The following COL12A1 variants were observed in gnomAD, a reference collection of about 807,000 sequenced individuals.
COL12A1 encodes the protein collagen alpha-1(XII) chain.
In COL12A1, 114 loss-of-function variants were observed where a neutral mutation model predicts 349.7. The ratio of observed to expected loss-of-function variants is 0.33; its 90% CI spans 0.28 to 0.38. The LOEUF (loss-of-function observed/expected upper bound fraction) is 0.38. COL12A1 is among the 10% of genes least tolerant of loss of function. The pLI, the probability that COL12A1 is intolerant of heterozygous loss-of-function variation, is 1.00. For missense variants in COL12A1, 3,284 were observed against 3,756.9 expected (o/e 0.87, Z 3.29); for synonymous variants, 1,369 against 1,329.0 (o/e 1.03, Z -0.66).
chr6:75,152,411 C>T lies in COL12A1; in HGVS notation c.3637G>A (p.Ala1213Thr). 6.2e-7 allele frequency: 1 copy of T among 1,613,658 alleles called. No homozygotes were observed. The highest frequency in any genetic ancestry group is 8.5e-7 in the Non-Finnish European group (1 of 1,179,738). Residue 1213 changes from alanine (A) to threonine (T), a missense_variant, in exon 18 of 66, where the codon GCA becomes ACA. By Grantham distance (58) the Ala-to-Thr change is moderately conservative. Around this residue, in one of 2 missense-constraint regions of COL12A1, gnomAD observed 2,601 missense variants for 2,824.8 expected, o/e 0.92. Transcript: ENST00000322507. The stretch of plus-strand genomic sequence containing the variant: ...AAACTCCTCACGGTTCTAAAATTTG[C>T]CCGGCCGATGCTCCATGATCCATCC... ...LVDGSWSIGR[A>T]NFRTVRSFIS...
intron 47 of COL12A1, 58 bp downstream of exon 47, chr6:75,117,324 C>G: frequency 1.3e-6 from 2 of 1,554,354 alleles, no homozygotes; most frequent in Non-Finnish European, 1.8e-6. Flanking sequence ...GAATTGTCTA[C>G]TAAGTAATTG....
At chr6:75,109,681 T>G (rs1768734388) in intron 51 of COL12A1, among the ~76,000 whole-genome samples, 1 of 152,118 alleles carries the variant, frequency 6.6e-6, no homozygotes, top group Admixed American at 6.6e-5. Context: ...TCTATAGGGA[T>G]TCAACTCTGG....
At chr6:75,154,603 T>C (rs1767662604) in intron 16 of COL12A1, 66 bp from the exon 17 acceptor site, 1 of 1,491,854 alleles carries the variant, frequency 6.7e-7, no homozygotes, top group Admixed American at 2.2e-5. Context: ...ACTTTTTTTT[T>C]GCTTTGTTAA....
Position 75,183,655 on chromosome 6 carries a change from G to C in COL12A1, c.1289-3C>G. 1 of 1,585,856 alleles carries C rather than the reference G, an allele frequency of 6.3e-7. No individual in the cohort carries two copies. Among genetic ancestry groups the C allele is most frequent in the Non-Finnish European group, 8.5e-7 (1 of 1,171,580 alleles). ...TATATCCACACCACGTGAGCATTCT[G>C]TAAAGAGAAAAAAAGTACATTAAAC... On this transcript the variant is annotated splice_polypyrimidine_tract_variant and splice_region_variant and intron_variant, in intron 9 of 65. Transcript: ENST00000322507.
Position 75,099,527 on chromosome 6 carries a change from A to G in COL12A1, c.8523+2073T>C, listed in dbSNP as rs1172475629. On this transcript the variant is annotated intron_variant, in intron 58 of 65. Coordinates refer to ENST00000322507, the MANE Select transcript of COL12A1 (RefSeq NM_004370.6). ...ACTTTCTGATCAACCATTTCCTTTT[A>G]GAGGAAATATATTCGTAAATTGGAG... Among the ~76,000 whole-genome samples, 3 of 152,230 alleles carry G rather than the reference A, an allele frequency of 2.0e-5. No homozygotes were observed. The East Asian group carries it at 5.8e-4, about 29-fold the overall frequency.
intron 58 of COL12A1, among the ~76,000 whole-genome samples, chr6:75,099,452 C>T (rs1053333419): frequency 9.9e-5 from 15 of 152,092 alleles, no homozygotes; most frequent in Non-Finnish European, 1.3e-4. Flanking sequence ...CATTTTTTAT[C>T]GTAAATATTG....
At chr6:75,134,340 C>T in intron 32 of COL12A1, among the ~76,000 whole-genome samples, 1 of 152,066 alleles carries the variant, frequency 6.6e-6, no homozygotes, top group South Asian at 2.1e-4. Flanking sequence ...GAGCCCAAGG[C>T]AGGTGGATCA....
Position 75,115,873 on chromosome 6 carries a change from A to C in COL12A1, c.7608T>G (p.Ser2536=), listed in dbSNP as rs778124838. Residue 2536 remains serine (S), a synonymous_variant, in exon 49 of 66, where the codon TCT becomes TCG. Transcript: ENST00000322507. ...AYNLTEKNFA[S]VQGVSLESGS... is the part of the protein sequence containing the mutation. Reference sequence around the variant, plus strand: ...CTGACTCCAAAGATACTCCTTGTACAGAAGCAAAATTCTTTTCTGTCAGGT... The same window carrying C: ...CTGACTCCAAAGATACTCCTTGTACCGAAGCAAAATTCTTTTCTGTCAGGT... 8 of 1,613,640 alleles carry C rather than the reference A, an allele frequency of 5.0e-6. No individual in the cohort carries two copies. The highest frequency in any genetic ancestry group is 6.8e-6 in the Non-Finnish European group (8 of 1,179,678).
intron 49 of COL12A1, among the ~76,000 whole-genome samples, chr6:75,115,295 A>T (rs1769022515): frequency 6.6e-6 from 1 of 152,152 alleles, no homozygotes; most frequent in Non-Finnish European, 1.5e-5. Flanking sequence ...CATGAAGTAA[A>T]ATAACATCTA....
At chr6:75,137,613 G>T (rs182109428) in intron 30 of COL12A1, 34 bp from the exon 31 acceptor site, 505 of 1,612,282 alleles carry the variant, frequency 3.1e-4, no homozygotes, top group Admixed American at 5.0e-4. Flanking sequence ...TGAGTAAGCA[G>T]ACAGAACAAT....
In COL12A1 at chr6:75,165,753, T is replaced by C; in HGVS notation, c.2737A>G (p.Thr913Ala). The C allele has an allele frequency of 6.2e-7, 1 of 1,613,894 alleles. No individual in the cohort carries two copies. The highest frequency in any genetic ancestry group is 8.5e-7 in the Non-Finnish European group (1 of 1,179,830). Residue 913 changes from threonine to alanine, a missense_variant, in exon 14 of 66, where the codon ACT becomes GCT. By Grantham distance (58) the Thr-to-Ala change is moderately conservative. Around this residue, in one of 2 missense-constraint regions of COL12A1, gnomAD observed 2,601 missense variants for 2,824.8 expected, o/e 0.92. Coordinates refer to ENST00000322507, the MANE Select transcript of COL12A1 (RefSeq NM_004370.6). ...EERGSPQDLV[T>A]KDITDTSIGA... ...ATTGATGTGTCAGTGATGTCTTTAG[T>C]AACTAAATCTTGAGGAGAACCACGT...
At chr6:75,198,738 T>C (rs1324550647) in intron 2 of COL12A1, among the ~76,000 whole-genome samples, 3 of 151,906 alleles carry the variant, frequency 2.0e-5, no homozygotes, top group South Asian at 2.1e-4. Flanking sequence ...GGTGGGAAAA[T>C]GGATGAGAGG....
intron 8 of COL12A1, among the ~76,000 whole-genome samples, chr6:75,186,298 G>C (rs558181269): frequency 1.6e-4 from 25 of 152,242 alleles, no homozygotes; most frequent in African/African-American, 5.8e-4. Context: ...CCATTTAAAA[G>C]TGGGCAAAGG....
chr6:75,133,358 G>A lies in COL12A1; in HGVS notation c.5729C>T (p.Thr1910Ile), dbSNP rs773934552. 1 of 1,613,164 alleles carries A rather than the reference G, an allele frequency of 6.2e-7. No homozygotes were observed. Among genetic ancestry groups the A allele is most frequent in the East Asian group, 2.2e-5 (1 of 44,836 alleles). Residue 1910 changes from threonine to isoleucine, a missense_variant, in exon 34 of 66, where the codon ACT becomes ATT. Thr to Ile is a moderately conservative substitution (Grantham distance 89). Coordinates refer to ENST00000322507, the MANE Select transcript of COL12A1 (RefSeq NM_004370.6). ...AGTATAAACGGGAACTACAGTCACAGTGTATGAGGTATCTGGCTGCAGATT... is the reference window on the plus strand; with the variant it reads ...AGTATAAACGGGAACTACAGTCACAATGTATGAGGTATCTGGCTGCAGATT... ...LRNLQPDTSYTVTVVPVYTEG... is the reference protein window; with the variant it reads ...LRNLQPDTSYIVTVVPVYTEG...
At chr6:75,188,127 C>T (rs565716358) in intron 8 of COL12A1, among the ~76,000 whole-genome samples, 1 of 152,012 alleles carries the variant, frequency 6.6e-6, no homozygotes, top group South Asian at 2.1e-4. Flanking sequence ...TTGTCCCCCA[C>T]CAAAAAAATT....
intron 23 of COL12A1, among the ~76,000 whole-genome samples, chr6:75,146,909 A>G (rs1307666743): frequency 6.6e-6 from 1 of 152,248 alleles, no homozygotes; most frequent in African/African-American, 2.4e-5. Context: ...AGGATCTAAA[A>G]CTTGAGCAGT....
chr6:75,102,657 T>C lies in COL12A1; in HGVS notation c.8355A>G (p.Pro2785=). The C allele has an allele frequency of 6.3e-7, 1 of 1,574,836 alleles. No individual in the cohort carries two copies. Among genetic ancestry groups the C allele is most frequent in the East Asian group, 2.4e-5 (1 of 42,144 alleles). Residue 2785 remains proline, a synonymous_variant, in exon 56 of 66, where the codon CCA becomes CCG. Transcript: ENST00000322507. ...PPGPRGDIGP[P]GPQGPPGPQG... ...GAGGGCCTGGAGGACCCTGGGGGCC[T>C]GGAGGACCTATGTCTCCACGAGGAC... is the stretch of plus-strand genomic sequence containing the variant.
At chr6:75,147,048 A>T (rs1369269481) in intron 23 of COL12A1, among the ~76,000 whole-genome samples, 3 of 152,198 alleles carry the variant, frequency 2.0e-5, no homozygotes, top group African/African-American at 2.4e-5. Context: ...TGTCTCTGGA[A>T]GCATTACCAG....
At chr6:75,157,353 T>G (rs964269310) in intron 14 of COL12A1, among the ~76,000 whole-genome samples, 2 of 151,702 alleles carry the variant, frequency 1.3e-5, no homozygotes, top group African/African-American at 2.4e-5. Context: ...TAAACAAAAT[T>G]CAAAATCAGC....
Sources: gnomAD v4.1 joint callset for allele counts (sites outside exome capture counted in the v4.1 genomes callset) on GRCh38, gnomAD v4.1.1 for gene constraint, gnomAD v4.1.1 regional missense constraint, MANE v1.5 for transcripts, NCBI Gene and HGNC (gene_info 2026-07-23, HGNC 2026-07-21) for gene names.